Variants in STIMATE observed in about 807,000 individuals in gnomAD.
STIMATE encodes the protein store-operated calcium entry regulator STIMATE.
Under a neutral mutation model 36.7 loss-of-function variants are expected in STIMATE, and 15 were observed. The observed-to-expected ratio is 0.41, with a 90% CI of 0.27 to 0.63. The LOEUF (loss-of-function observed/expected upper bound fraction) is 0.63. Ranked by LOEUF, STIMATE falls within the 20% of genes least tolerant of loss-of-function variation. STIMATE has a pLI of 0.32. For missense variants in STIMATE, 305 were observed against 397.3 expected (o/e 0.77, Z 1.98); for synonymous variants, 163 against 162.3 (o/e 1.00, Z -0.03).
chr3:52,895,498 G>T (rs1246313542), intron 1 of STIMATE, among the ~76,000 whole-genome samples: 1 of 152,214 alleles, frequency 6.6e-6, no homozygotes. Flanking sequence ...GTGAACAAGA[G>T]ACTGCTTTCT....
intron 1 of STIMATE, among the ~76,000 whole-genome samples, chr3:52,856,066 C>G (rs1044720257): frequency 6.6e-6 from 1 of 152,172 alleles, no homozygotes; most frequent in Non-Finnish European, 1.5e-5. Context: ...CAAGCCAAGC[C>G]CTGAAGGCTG....
chr3:52,847,194 G>A (rs1432418317), intron 4 of STIMATE: 5 of 1,066,088 alleles, frequency 4.7e-6, no homozygotes, highest in East Asian at 8.7e-5. Flanking sequence ...TGACAGGTGT[G>A]AGCCACTGCA....
At chr3:52,851,459 A>C (rs1700995902) in intron 3 of STIMATE, among the ~76,000 whole-genome samples, 1 of 152,258 alleles carries the variant, frequency 6.6e-6, no homozygotes, top group African/African-American at 2.4e-5. Context: ...GGTGATGTGC[A>C]CACAGCACTC....
At chr3:52,895,071 A>G (rs555034177) in intron 1 of STIMATE, among the ~76,000 whole-genome samples, 11 of 152,330 alleles carry the variant, frequency 7.2e-5, no homozygotes, top group Admixed American at 5.9e-4. Context: ...ACTGAGAAGG[A>G]CGGAGGACTA....
intron 4 of STIMATE, chr3:52,847,485 C>T (rs571224044): frequency 2.6e-5 from 33 of 1,289,676 alleles, no homozygotes; most frequent in East Asian, 5.5e-5. Flanking sequence ...TGGTCTCAAC[C>T]GCCGGGGCTG....
chr3:52,870,068 G>GA (rs112847844), intron 1 of STIMATE, among the ~76,000 whole-genome samples: 14,952 of 152,200 alleles, frequency 0.098, 924 homozygotes, highest in Non-Finnish European at 0.14. Flanking sequence ...CCACCTGCAG[G>GA]AAACAAGAAA....
intron 7 of STIMATE, 62 bp downstream of exon 7, chr3:52,842,749 A>C (rs1245968174): frequency 7.5e-6 from 12 of 1,607,008 alleles, no homozygotes; most frequent in Non-Finnish European, 8.5e-6. Context: ...ACATGAGACC[A>C]GAGACCCCCT....
intron 1 of STIMATE, among the ~76,000 whole-genome samples, chr3:52,855,676 T>C (rs1701080363): frequency 1.3e-5 from 2 of 152,232 alleles, no homozygotes; most frequent in Non-Finnish European, 2.9e-5. Flanking sequence ...GGACTCCTCA[T>C]AGCATGTGGA....
chr3:52,841,715 C>G (rs1700801159), intron 7 of STIMATE: 1 of 152,466 alleles, frequency 6.6e-6, no homozygotes, highest in South Asian at 2.1e-4. Flanking sequence ...ATCCCAATGC[C>G]TCAGCCTGGA....
intron 1 of STIMATE, among the ~76,000 whole-genome samples, chr3:52,887,355 T>C (rs781316503): frequency 9.2e-5 from 14 of 152,230 alleles, no homozygotes; most frequent in Non-Finnish European, 1.9e-4. Flanking sequence ...TGGCACTGTG[T>C]GCCAGCACAG....
At chr3:52,844,520 G>C (rs1170844425) in intron 5 of STIMATE, among the ~76,000 whole-genome samples, 2 of 152,248 alleles carry the variant, frequency 1.3e-5, no homozygotes, top group African/African-American at 4.8e-5. Flanking sequence ...CAGGATGTTT[G>C]CCGATGTAGA....
intron 1 of STIMATE, among the ~76,000 whole-genome samples, chr3:52,885,787 G>A (rs193061082): frequency 1.3e-5 from 2 of 152,230 alleles, no homozygotes; most frequent in Non-Finnish European, 2.9e-5. Flanking sequence ...GTTCCTCCTT[G>A]CTGCTCTGAG....
At chr3:52,895,647 T>A (rs950829739) in intron 1 of STIMATE, among the ~76,000 whole-genome samples, 1 of 152,218 alleles carries the variant, frequency 6.6e-6, no homozygotes, top group Non-Finnish European at 1.5e-5. Flanking sequence ...TTCTCAGCTG[T>A]GAGCAACTCT....
chr3:52,837,015 C>T lies in STIMATE; in HGVS notation c.*3479G>A, dbSNP rs6774869. ...TCAAGGTGCTTGTGGCAAGTCAGAC[C>T]ATAAGTCCCTTACCAAAAGCCAAGC... is the stretch of plus-strand genomic sequence containing the variant. On this transcript the variant is annotated 3_prime_UTR_variant, in exon 8 of 8. Transcript: ENST00000355083. 157,878 of 175,318 alleles carry T rather than the reference C, an allele frequency of 0.9. 73,087 individuals carry two copies. Among genetic ancestry groups the T allele is most frequent in the Non-Finnish European group, 1 (81,502 of 81,598 alleles). 10.9% of individuals were successfully genotyped at this position (175,318 alleles called of 1,614,324 possible).
intron 1 of STIMATE, among the ~76,000 whole-genome samples, chr3:52,871,849 C>A (rs76413268): frequency 1.3e-5 from 2 of 152,180 alleles, no homozygotes; most frequent in African/African-American, 4.8e-5. Context: ...ACAACCCCCC[C>A]ATGCCTTTCC....
chr3:52,856,585 G>A (rs1477411453), intron 1 of STIMATE, among the ~76,000 whole-genome samples: 2 of 152,160 alleles, frequency 1.3e-5, no homozygotes, highest in Admixed American at 6.5e-5. Context: ...TCTGGAAGCT[G>A]AGGTGGGAGG....
In STIMATE at chr3:52,847,411, G is replaced by C. The variant is rs1466467686; in HGVS notation, c.427+2381C>G. 8.6e-6 allele frequency: 11 copies of C among 1,281,210 alleles called. No homozygotes were observed. In the Admixed American group the frequency reaches 1.6e-4, roughly 19 times the overall value. 79.4% of individuals were successfully genotyped at this position (1,281,210 alleles called of 1,614,324 possible). A position where few individuals can be genotyped will look rare whatever the true frequency, so the allele number is the denominator to read the frequency against. The stretch of plus-strand genomic sequence containing the variant: ...ATGAAGCACCGTGACCCAGATGTCA[G>C]GGCTTCCACATGGGAAAGAGTGGCC... On this transcript the variant is annotated intron_variant, in intron 4 of 7. Coordinates refer to ENST00000355083, the MANE Select transcript of STIMATE (RefSeq NM_198563.5).
chr3:52,854,539 C>A (rs1701061073), intron 2 of STIMATE, among the ~76,000 whole-genome samples: 1 of 152,234 alleles, frequency 6.6e-6, no homozygotes, highest in African/African-American at 2.4e-5. Context: ...CAGGACACTT[C>A]TGGACCTCGC....
intron 1 of STIMATE, among the ~76,000 whole-genome samples, chr3:52,884,150 CTTATA>C (rs1055840488): frequency 1.3e-5 from 2 of 151,940 alleles, no homozygotes; most frequent in Admixed American, 6.6e-5. Flanking sequence ...CAAAAATGCA[CTTATA>C]TTATGCATAC....
Sources: gnomAD v4.1 joint callset for allele counts (sites outside exome capture counted in the v4.1 genomes callset) on GRCh38, gnomAD v4.1.1 for gene constraint, MANE v1.5 for transcripts, NCBI Gene and HGNC (gene_info 2026-07-23, HGNC 2026-07-21) for gene names.